POLR2F: variants seen among roughly 807,000 people sequenced by gnomAD.
The protein encoded by POLR2F is RNA polymerase II, I and III subunit F.
A neutral mutation model predicts 22.7 loss-of-function variants in POLR2F; 12 were observed. The observed-to-expected ratio is 0.53, with a 90% CI of 0.34 to 0.86. The LOEUF (loss-of-function observed/expected upper bound fraction) is 0.86. Ranked by LOEUF, POLR2F falls within the 40% of genes least tolerant of loss-of-function variation. The pLI is 0.02. For missense variants in POLR2F, 126 were observed against 171.5 expected, an observed-to-expected ratio of 0.73 and a Z score of 1.48; for synonymous variants, 57 against 66.0, an observed-to-expected ratio of 0.86 and a Z score of 0.66.
At chr22:37,953,860 G>A (rs760421595) in intron 1 of POLR2F, 53 bp downstream of exon 1, 1 of 1,588,282 alleles carries the variant, frequency 6.3e-7, no homozygotes, top group South Asian at 1.1e-5. Context: ...GGGCGGATGA[G>A]GCAAGGCTTG....
chr22:38,005,211 T>A (rs1266103617), intron 1 of POLR2F, among the ~76,000 whole-genome samples: 1 of 152,208 alleles, frequency 6.6e-6, no homozygotes, highest in African/African-American at 2.4e-5. Context: ...GGGGTGTTAT[T>A]ACCACCTATT....
intron 4 of POLR2F, among the ~76,000 whole-genome samples, chr22:37,976,263 A>G (rs984054873): frequency 1.3e-5 from 2 of 152,134 alleles, no homozygotes; most frequent in Non-Finnish European, 2.9e-5. Context: ...GTCTTACTAC[A>G]TTGCCCATGC....
At position 37,967,155 on chromosome 22, in the gene POLR2F, C is replaced by T. The variant is rs1342617058; in HGVS notation, c.278C>T (p.Ala93Val). 4 of 1,613,024 alleles carry T rather than the reference C, an allele frequency of 2.5e-6. No homozygotes were observed. The highest frequency in any genetic ancestry group is 3.4e-6 in the Non-Finnish European group (4 of 1,179,202). The change falls in exon 4 of 5, where the codon GCC becomes GTC. Residue 93 changes from alanine to valine, a missense_variant. Ala to Val is a moderately conservative substitution (Grantham distance 64). Transcript: ENST00000442738. ...GGGGAGACAGATCCTCTGCTCATTG[C>T]CATGAAGGAACTCAAGTAAGTCACT... ...LEGETDPLLI[A>V]MKELKARKIP...
At chr22:37,967,595 C>A in intron 4 of POLR2F, 30 bp from the exon 5 acceptor site, 1 of 1,612,006 alleles carries the variant, frequency 6.2e-7, no homozygotes, top group South Asian at 1.1e-5. Flanking sequence ...CACCAGCCCT[C>A]ATGTACTTGT....
downstream of POLR2F, chr22:37,970,912 T>C (rs562127883): frequency 7.8e-6 from 2 of 255,824 alleles, no homozygotes; most frequent in East Asian, 9.8e-5. Flanking sequence ...GCAATGGATA[T>C]TGTCTAAAAG....
downstream of POLR2F, chr22:37,971,315 A>G: frequency 2.1e-6 from 1 of 470,996 alleles, no homozygotes; most frequent in Non-Finnish European, 4.4e-6. Flanking sequence ...AATTGAGATA[A>G]CGATCGGACC....
intron 1 of POLR2F, among the ~76,000 whole-genome samples, chr22:38,008,867 A>G (rs1244412666): frequency 6.6e-6 from 1 of 152,034 alleles, no homozygotes; most frequent in Non-Finnish European, 1.5e-5. Context: ...CAAAAAAAAA[A>G]AAAAAGAAAG....
intron 4 of POLR2F, among the ~76,000 whole-genome samples, chr22:37,976,858 G>C (rs1327989792): frequency 6.6e-6 from 1 of 152,098 alleles, no homozygotes; most frequent in Non-Finnish European, 1.5e-5. Context: ...GCTTATGTCT[G>C]GCCCATCCAT....
At chr22:37,966,966 C>T (rs368612161) in intron 3 of POLR2F, 133 bp from the exon 4 acceptor site, 2 of 647,802 alleles carry the variant, frequency 3.1e-6, no homozygotes, top group Non-Finnish European at 5.4e-6. Context: ...CTACACACCA[C>T]TCCCTACTGT....
intron 1 of POLR2F, among the ~76,000 whole-genome samples, chr22:37,954,268 G>A (rs1448731617): frequency 2.0e-5 from 3 of 151,978 alleles, no homozygotes; most frequent in African/African-American, 4.8e-5. Context: ...TCCACCGGGT[G>A]GCATTAAATA....
At chr22:38,025,488 A>C in intron 1 of POLR2F, 2 of 1,413,138 alleles carry the variant, frequency 1.4e-6, no homozygotes, top group Non-Finnish European at 1.9e-6. Context: ...ACAAACACAC[A>C]TTCACACTCA....
chr22:37,983,208 G>T, upstream of POLR2F: 2 of 946,082 alleles, frequency 2.1e-6, no homozygotes, highest in Non-Finnish European at 3.2e-6. The surrounding 1 kb of genome is among the most constrained non-coding windows in gnomAD (Gnocchi z 9.5). Context: ...GGAAGGGCGG[G>T]CGCGGCCCCC....
In POLR2F at chr22:37,978,194, C is replaced by G; in HGVS notation, c.293+11024C>G. On this transcript the variant is annotated intron_variant, in intron 4 of 4. Coordinates refer to the POLR2F transcript ENST00000405557. The surrounding 1 kb of genome is among the most constrained non-coding windows in gnomAD (Gnocchi z 5.0). ...AGGGGCTGGCGTGAATGCCAGAGCA[C>G]TCCAGGTTGGCCTCCCTCTGAGTGT... 1 of 1,455,196 alleles carries G rather than the reference C, an allele frequency of 6.9e-7. No individual in the cohort carries two copies. Among genetic ancestry groups the G allele is most frequent in the East Asian group, 2.4e-5 (1 of 40,952 alleles). The allele number at this position is 1,455,196 out of a possible 1,614,324, so 90.1% of individuals were successfully genotyped here.
chr22:38,004,639 C>A (rs1569178385), intron 1 of POLR2F, among the ~76,000 whole-genome samples: 1 of 152,104 alleles, frequency 6.6e-6, no homozygotes, highest in Non-Finnish European at 1.5e-5. Context: ...ATAAATAAAA[C>A]CCAGTGTCAA....
At chr22:37,977,811 C>A in intron 4 of POLR2F, 1 of 1,558,090 alleles carries the variant, frequency 6.4e-7, no homozygotes, top group South Asian at 1.2e-5. Context: ...ATCCAGCCAT[C>A]TCCTGTCTCC....
intron 5 of POLR2F, among the ~76,000 whole-genome samples, chr22:38,035,594 A>T (rs1425320338): frequency 6.6e-6 from 1 of 152,146 alleles, no homozygotes; most frequent in Non-Finnish European, 1.5e-5. Context: ...CTGCCATCTG[A>T]AACCTCCTGC....
At chr22:38,007,663 G>A (rs1435428905) in intron 1 of POLR2F, among the ~76,000 whole-genome samples, 2 of 152,158 alleles carry the variant, frequency 1.3e-5, no homozygotes, top group East Asian at 1.9e-4. Context: ...AGTTCTTCCC[G>A]AGTCCCCCAG....
intron 5 of POLR2F, chr22:38,033,130 G>A (rs1236656818): frequency 6.2e-6 from 1 of 161,360 alleles, no homozygotes; most frequent in Non-Finnish European, 1.5e-5. Flanking sequence ...CCGCACTCCA[G>A]CCTGGGCCCC....
chr22:38,025,502 TC>T (rs1250975029), intron 1 of POLR2F: 1 of 1,422,526 alleles, frequency 7.0e-7, no homozygotes, highest in African/African-American at 1.4e-5. Context: ...ACACTCACAG[TC>T]CCAACATTCA....
Sources: allele counts gnomAD v4.1 joint callset (sites outside exome capture counted in the v4.1 genomes callset), GRCh38; gene constraint gnomAD v4.1.1; non-coding constraint Gnocchi (gnomAD v3.1); transcripts MANE v1.5; gene names NCBI Gene and HGNC (gene_info 2026-07-23, HGNC 2026-07-21).